The following NXPH1 variants were observed in gnomAD, a reference collection of about 807,000 sequenced individuals.
NXPH1 encodes the protein neurexophilin 1, also known as neurexophilin-1.
In NXPH1, 5 loss-of-function variants were observed where a neutral mutation model predicts 23.7. That is an observed-to-expected ratio of 0.21 (90% confidence interval 0.11 to 0.44). The LOEUF (loss-of-function observed/expected upper bound fraction) is 0.44. NXPH1 is among the 20% of genes least tolerant of loss of function. The pLI is 0.99. For synonymous variants in NXPH1, 144 were observed against 122.2 expected (o/e 1.18, Z -1.18); for missense variants, 324 against 321.6 (o/e 1.01, Z -0.06).
chr7:8,469,846 C>T (rs944033402), intron 2 of NXPH1, among the ~76,000 whole-genome samples: 1 of 152,088 alleles, frequency 6.6e-6, no homozygotes, highest in Non-Finnish European at 1.5e-5. Context: ...TGTGAAATGT[C>T]ATTATCCTTA....
At chr7:8,625,233 C>CAA (rs1562432774) in intron 2 of NXPH1, among the ~76,000 whole-genome samples, 1 of 152,002 alleles carries the variant, frequency 6.6e-6, no homozygotes, top group Admixed American at 6.6e-5. Flanking sequence ...CAAAATGTAA[C>CAA]TTGACTGAAT....
chr7:8,453,072 A>C (rs934898249), intron 2 of NXPH1, among the ~76,000 whole-genome samples: 1 of 152,166 alleles, frequency 6.6e-6, no homozygotes, highest in Non-Finnish European at 1.5e-5. Context: ...CCAGTTTGGA[A>C]ACTAAAATGG....
At position 8,727,070 on chromosome 7, in the gene NXPH1, A is replaced by T. The variant is rs1583248489; in HGVS notation, c.55-23938A>T. ...GTATCTCATAGTGGTTTTGATTTGC[A>T]TTTCTCTGATGGCCAGTGATGGTGA... On this transcript the variant is annotated intron_variant, in intron 2 of 2. Transcript: ENST00000405863. Among the ~76,000 whole-genome samples the T allele has an allele frequency of 2.4e-4, 35 of 146,618 alleles. 1 individual carries two copies. The South Asian group carries it at 7.4e-3, about 31-fold the overall frequency.
rs28756471 is a variant in NXPH1 at position 8,734,967 on chromosome 7, C to T, written c.55-16041C>T. 5.3e-3 allele frequency among the ~76,000 whole-genome samples: 808 copies of T among 152,238 alleles called. 9 individuals are homozygous for T. The highest frequency in any genetic ancestry group is 0.019 in the African/African-American group (770 of 41,536). On this transcript the variant is annotated intron_variant, in intron 2 of 2. Transcript: ENST00000405863. ...TGTCTGTTATTGGAGTATAAAAATG[C>T]TTGTGATTTTTGCACATTGATTTTG...
intron 2 of NXPH1, among the ~76,000 whole-genome samples, chr7:8,649,238 A>C (rs1820449584): frequency 6.6e-6 from 1 of 152,136 alleles, no homozygotes; most frequent in African/African-American, 2.4e-5. Context: ...TGTGATTGCC[A>C]ACATATTTCA....
At chr7:8,743,120 C>T (rs1780394595) in intron 2 of NXPH1, among the ~76,000 whole-genome samples, 1 of 151,872 alleles carries the variant, frequency 6.6e-6, no homozygotes. Context: ...AAGTTGTAAT[C>T]ATAGAGCAAT....
intron 2 of NXPH1, among the ~76,000 whole-genome samples, chr7:8,608,182 T>C (rs547025305): frequency 6.6e-6 from 1 of 152,206 alleles, no homozygotes; most frequent in African/African-American, 2.4e-5. Context: ...CTGAGGAAAC[T>C]AATACAAATT....
intron 2 of NXPH1, among the ~76,000 whole-genome samples, chr7:8,628,792 C>T (rs533708651): frequency 2.0e-5 from 3 of 151,716 alleles, no homozygotes; most frequent in Non-Finnish European, 4.4e-5. Context: ...GTAAATTTAG[C>T]AGAGATTTGA....
chr7:8,656,677 A>G (rs190133055), intron 2 of NXPH1, among the ~76,000 whole-genome samples: 1,988 of 151,992 alleles, frequency 0.013, 100 homozygotes, highest in Admixed American at 0.097. Flanking sequence ...ATATCTCCCA[A>G]TGCTATCCCT....
chr7:8,714,872 A>G (rs562311585), intron 2 of NXPH1, among the ~76,000 whole-genome samples: 16 of 152,170 alleles, frequency 1.1e-4, no homozygotes, highest in African/African-American at 3.9e-4. Context: ...GGAAAGAGGG[A>G]TCTCTTTTGG....
intron 2 of NXPH1, among the ~76,000 whole-genome samples, chr7:8,632,755 A>T (rs1377453789): frequency 1.3e-5 from 2 of 151,860 alleles, no homozygotes; most frequent in Non-Finnish European, 2.9e-5. Flanking sequence ...GTAGAGCTGT[A>T]ATTGTAAAGT....
chr7:8,460,431 A>G (rs900751346), intron 2 of NXPH1, among the ~76,000 whole-genome samples: 1 of 152,222 alleles, frequency 6.6e-6, no homozygotes, highest in African/African-American at 2.4e-5. Context: ...AAAATCAAGC[A>G]GTAGAGTACA....
chr7:8,550,799 C>CA (rs1356238788), intron 2 of NXPH1, among the ~76,000 whole-genome samples: 4 of 151,400 alleles, frequency 2.6e-5, no homozygotes, highest in Non-Finnish European at 5.9e-5. Context: ...CAGGTTGTTA[C>CA]ATATTTTTAA....
intron 2 of NXPH1, among the ~76,000 whole-genome samples, chr7:8,588,297 G>A (rs1418683625): frequency 6.6e-6 from 1 of 152,120 alleles, no homozygotes; most frequent in East Asian, 1.9e-4. Context: ...ACACAGGAGT[G>A]AATTTTTTAA....
chr7:8,456,831 G>T (rs1455170782), intron 2 of NXPH1, among the ~76,000 whole-genome samples: 1 of 152,178 alleles, frequency 6.6e-6, no homozygotes, highest in Admixed American at 6.5e-5. Context: ...GTCTAGCTTG[G>T]TGAAAGAGAC....
intron 2 of NXPH1, among the ~76,000 whole-genome samples, chr7:8,686,280 T>C (rs1821144464): frequency 6.6e-6 from 1 of 152,166 alleles, no homozygotes; most frequent in Non-Finnish European, 1.5e-5. Flanking sequence ...TGGATGTTTC[T>C]TTCCTTACGT....
Position 8,652,676 on chromosome 7 carries a change from C to T in NXPH1, c.55-98332C>T, listed in dbSNP as rs553884708. Among the ~76,000 whole-genome samples, 53 of 152,172 alleles carry T rather than the reference C, an allele frequency of 3.5e-4. 1 individual carries two copies. In the South Asian group the frequency reaches 0.01, roughly 29 times the overall value. ...TATGGAGCTTATTTCTGGAGAGTAG[C>T]CTTGAATTAATCTCTATTTTCTTTA... On this transcript the variant is annotated intron_variant, in intron 2 of 2. Transcript: ENST00000405863.
chr7:8,716,407 G>A (rs1779879365), intron 2 of NXPH1, among the ~76,000 whole-genome samples: 1 of 152,036 alleles, frequency 6.6e-6, no homozygotes, highest in Admixed American at 6.5e-5. Flanking sequence ...GAGAAAAACG[G>A]CACCAATATT....
chr7:8,694,388 C>A (rs1030021541), intron 2 of NXPH1, among the ~76,000 whole-genome samples: 8 of 152,098 alleles, frequency 5.3e-5, no homozygotes, highest in African/African-American at 1.9e-4. Flanking sequence ...AAGTATAGCT[C>A]AGTGCTTTTG....
Sources: allele counts gnomAD v4.1 joint callset (sites outside exome capture counted in the v4.1 genomes callset), GRCh38; gene constraint gnomAD v4.1.1; transcripts MANE v1.5; gene names NCBI Gene and HGNC (gene_info 2026-07-23, HGNC 2026-07-21).